The following ESR1 variants were observed in gnomAD, a reference collection of about 807,000 sequenced individuals.
ESR1 encodes the protein estrogen receptor 1.
ESR1 carries 12 observed loss-of-function variants against 52.7 expected under a neutral mutation model. The ratio of observed to expected loss-of-function variants is 0.23; its 90% CI spans 0.15 to 0.37. The LOEUF is 0.37. Ranked by LOEUF, ESR1 falls within the 10% of genes least tolerant of loss-of-function variation. The pLI, the probability that ESR1 is intolerant of heterozygous loss-of-function variation, is 1.00. For synonymous variants in ESR1, 305 were observed against 316.8 expected (o/e 0.96, Z 0.39); for missense variants, 584 against 779.7 (o/e 0.75, Z 2.99).
chr6:152,012,937 A>G (rs1418067443), intron 5 of ESR1, among the ~76,000 whole-genome samples: 1 of 152,222 alleles, frequency 6.6e-6, no homozygotes, highest in Non-Finnish European at 1.5e-5. Flanking sequence ...AAATTTATTT[A>G]AGTACTGGAG....
At chr6:152,122,830 C>T (rs1015866097) in intron 6 of ESR1, among the ~76,000 whole-genome samples, 5 of 152,130 alleles carry the variant, frequency 3.3e-5, no homozygotes, top group African/African-American at 9.7e-5. Context: ...GCCCAGGTCA[C>T]CCCCCACCAT....
intron 2 of ESR1, among the ~76,000 whole-genome samples, chr6:151,851,045 A>G (rs1786601502): frequency 6.6e-6 from 1 of 152,298 alleles, no homozygotes; most frequent in East Asian, 1.9e-4. Context: ...AATGACCTCC[A>G]TAGCCCATGG....
chr6:151,840,006 G>A (rs950411758), intron 1 of ESR1, among the ~76,000 whole-genome samples: 4 of 152,162 alleles, frequency 2.6e-5, no homozygotes, highest in Admixed American at 6.5e-5. Flanking sequence ...TTATGTAGGC[G>A]TGGGTGGGAA....
At chr6:151,665,469 A>G (rs1349827518) in intron 1 of ESR1, among the ~76,000 whole-genome samples, 1 of 152,122 alleles carries the variant, frequency 6.6e-6, no homozygotes, top group Admixed American at 6.5e-5. Flanking sequence ...GAAGCCCAGA[A>G]CTCCAAAGCT....
At chr6:152,073,815 C>G (rs896714741) in intron 6 of ESR1, among the ~76,000 whole-genome samples, 7 of 152,154 alleles carry the variant, frequency 4.6e-5, no homozygotes, top group African/African-American at 1.7e-4. Context: ...CGCCTCAAGC[C>G]CCTCCAGATG....
At chr6:152,097,153 C>T (rs1052629776) in intron 7 of ESR1, among the ~76,000 whole-genome samples, 1 of 152,008 alleles carries the variant, frequency 6.6e-6, no homozygotes, top group Non-Finnish European at 1.5e-5. Context: ...CTCTTTCTCT[C>T]TCTCTCTCTG....
chr6:151,865,962 AAC>A, intron 2 of ESR1, among the ~76,000 whole-genome samples: 1 of 152,344 alleles, frequency 6.6e-6, no homozygotes, highest in Non-Finnish European at 1.5e-5. Context: ...TATCTGAGAT[AAC>A]TCTCCTGCCA....
rs143551708 is a variant in ESR1, at chr6:151,731,826, A to T, written c.-71+29821A>T. Among the ~76,000 whole-genome samples, 752 of 152,298 alleles carry T rather than the reference A, an allele frequency of 4.9e-3. 7 individuals are homozygous for T. The highest frequency in any genetic ancestry group is 0.017 in the Middle Eastern group (5 of 294). ...TTTTGCAAGAATAAGATCGAGGTTA[A>T]ATCTACAGTTATGTCTTGATAGACT... On this transcript the variant is annotated intron_variant, in intron 2 of 2. Transcript: ENST00000404742.
chr6:151,858,264 A>G lies in ESR1; in HGVS notation c.643+15477A>G, dbSNP rs549232337. 3.3e-5 allele frequency among the ~76,000 whole-genome samples: 5 copies of G among 152,324 alleles called. No individual in the cohort carries two copies. The South Asian group carries it at 6.2e-4, about 19-fold the overall frequency. On this transcript the variant is annotated intron_variant, in intron 2 of 7. Transcript: ENST00000206249. The stretch of plus-strand genomic sequence containing the variant: ...TCATAGCAGAGGAAAGCCTGTGTTG[A>G]TAATAGAGTACCACCAGGAATCTAG...
intron 6 of ESR1, among the ~76,000 whole-genome samples, chr6:152,113,657 C>T (rs778347427): frequency 1.3e-5 from 2 of 152,104 alleles, no homozygotes; most frequent in East Asian, 3.9e-4. Context: ...AAGAGACTTT[C>T]TCCTCATAAA....
chr6:151,848,081 A>C (rs1785477262), intron 2 of ESR1, among the ~76,000 whole-genome samples: 1 of 94,684 alleles, frequency 1.1e-5, no homozygotes, highest in Admixed American at 1.1e-4. Flanking sequence ...ACCAACCCAA[A>C]TGTCCAACAA....
At chr6:151,824,692 A>G (rs934745536) in intron 1 of ESR1, among the ~76,000 whole-genome samples, 1 of 152,158 alleles carries the variant, frequency 6.6e-6, no homozygotes, top group African/African-American at 2.4e-5. Flanking sequence ...GAATCTGGTA[A>G]AAAAGAGTTC....
chr6:152,106,192 T>C (rs2051065351), downstream of ESR1, among the ~76,000 whole-genome samples: 1 of 152,254 alleles, frequency 6.6e-6, no homozygotes, highest in African/African-American at 2.4e-5. Context: ...AGCTCCATTC[T>C]CTTATTACCA....
intron 4 of ESR1, among the ~76,000 whole-genome samples, chr6:151,997,070 CAAAACA>C (rs2041554023): frequency 6.9e-6 from 1 of 145,812 alleles, no homozygotes; most frequent in African/African-American, 2.5e-5. Context: ...TAGTCCTGGC[CAAAACA>C]AAAACAAAAA....
chr6:152,041,521 A>G (rs2045797182), intron 5 of ESR1, among the ~76,000 whole-genome samples: 1 of 152,148 alleles, frequency 6.6e-6, no homozygotes, highest in East Asian at 1.9e-4. Flanking sequence ...ACCCCACACC[A>G]CTGGACCCCT....
chr6:151,784,635 C>A (rs1786848086), intron 2 of ESR1, among the ~76,000 whole-genome samples: 1 of 152,176 alleles, frequency 6.6e-6, no homozygotes, highest in Non-Finnish European at 1.5e-5. Flanking sequence ...ATAAGGAATA[C>A]CTTTCCCATT....
In ESR1 at chr6:151,754,204, C is replaced by T. The variant is rs373551503; in HGVS notation, c.-71+52199C>T. 3.9e-5 allele frequency among the ~76,000 whole-genome samples: 6 copies of T among 152,190 alleles called. No individual in the cohort carries two copies. In the South Asian group the frequency reaches 6.2e-4, roughly 16 times the overall value. On this transcript the variant is annotated intron_variant, in intron 2 of 2. Coordinates refer to the ESR1 transcript ENST00000404742. ...GTTTATTTTAAATTAAGAAAAAAGT[C>T]GCTTATAATTTCCTGAAGTTTAGAA...
intron 3 of ESR1, among the ~76,000 whole-genome samples, chr6:151,909,351 A>T (rs1797915609): frequency 6.6e-6 from 1 of 152,194 alleles, no homozygotes; most frequent in South Asian, 2.1e-4. Context: ...TGGTTGTGGG[A>T]CCAAGGAAGA....
chr6:152,128,085 T>C (rs1159413140), exon 7 of ESR1: 3 of 152,204 alleles, frequency 2.0e-5, no homozygotes, highest in African/African-American at 7.2e-5. Flanking sequence ...TTGCTGGAAA[T>C]TGGAGTGAAA....
Sources: gnomAD v4.1 joint callset for allele counts (sites outside exome capture counted in the v4.1 genomes callset) on GRCh38, gnomAD v4.1.1 for gene constraint, MANE v1.5 for transcripts, NCBI Gene and HGNC (gene_info 2026-07-23, HGNC 2026-07-21) for gene names.